Variants in TRPM8 observed in about 807,000 individuals in gnomAD.
The protein encoded by TRPM8 is transient receptor potential cation channel subfamily M member 8, also known as TRPM8 cationic channel.
Under a neutral mutation model 133.7 loss-of-function variants are expected in TRPM8, and 110 were observed. The observed-to-expected ratio is 0.82, with a 90% CI of 0.70 to 0.96. The LOEUF is 0.96. Among genes scored for constraint, TRPM8 ranks in the 40% least tolerant of loss-of-function variants. The pLI, the probability that TRPM8 is intolerant of heterozygous loss-of-function variation, is 0.00. For synonymous variants in TRPM8, 535 were observed against 532.3 expected, an observed-to-expected ratio of 1.01 and a Z score of -0.07; for missense variants, 1,291 against 1,379.5, an observed-to-expected ratio of 0.94 and a Z score of 1.02.
At chr2:233,955,073 G>T in intron 10 of TRPM8, 59 bp from the exon 11 acceptor site, 4 of 1,281,890 alleles carry the variant, frequency 3.1e-6, no homozygotes, top group South Asian at 1.2e-5. Context: ...CACACTGAAT[G>T]GTTCTCACTC....
intron 12 of TRPM8, among the ~76,000 whole-genome samples, chr2:233,962,177 G>A (rs994428480): frequency 6.6e-6 from 1 of 152,208 alleles, no homozygotes; most frequent in Non-Finnish European, 1.5e-5. Flanking sequence ...TTTTGTGGCT[G>A]TAACACCTAT....
chr2:233,997,636 C>T (rs1330896032), intron 22 of TRPM8, among the ~76,000 whole-genome samples: 1 of 152,122 alleles, frequency 6.6e-6, no homozygotes, highest in Non-Finnish European at 1.5e-5. Flanking sequence ...GACCCCAACT[C>T]CTAAGACTTG....
chr2:233,963,912 T>C (rs1435080670), intron 13 of TRPM8, among the ~76,000 whole-genome samples: 1 of 152,192 alleles, frequency 6.6e-6, no homozygotes, highest in Non-Finnish European at 1.5e-5. Flanking sequence ...CACTCAACCT[T>C]TGAGCTATTC....
chr2:233,926,559 C>T lies in TRPM8; in HGVS notation c.22C>T (p.Leu8Phe), dbSNP rs200999555. MSFRAAR[L>F]SMRNRRNDTL... ...AAAGATGTCCTTTCGGGCAGCCAGG[C>T]TCAGCATGAGGAACAGAAGGAATGA... Residue 8 changes from leucine (L) to phenylalanine (F), a missense_variant, in exon 2 of 26, where the codon CTC (leucine) becomes TTC (phenylalanine). Physicochemically the swap from Leu to Phe is conservative, Grantham distance 22. This residue lies in a region of TRPM8 where 963 missense variants were observed against 968.9 expected (regional missense o/e 0.99). Transcript: ENST00000324695. The T allele has an allele frequency of 6.2e-7, 1 of 1,614,090 alleles. No individual in the cohort carries two copies. Among genetic ancestry groups the T allele is most frequent in the Non-Finnish European group, 8.5e-7 (1 of 1,179,996 alleles).
intron 17 of TRPM8, among the ~76,000 whole-genome samples, chr2:233,979,186 T>C (rs545288913): frequency 1.3e-5 from 2 of 152,380 alleles, no homozygotes; most frequent in South Asian, 4.1e-4. Flanking sequence ...GTGACATTTC[T>C]TTGATGTTAT....
chr2:233,964,977 T>G (rs1266041435), intron 14 of TRPM8, among the ~76,000 whole-genome samples: 3 of 148,868 alleles, frequency 2.0e-5, no homozygotes, highest in Non-Finnish European at 4.5e-5. Context: ...TTGGGCTCTC[T>G]GATCCCATGG....
chr2:234,011,328 T>C (rs1374504770), intron 24 of TRPM8, among the ~76,000 whole-genome samples: 2 of 152,222 alleles, frequency 1.3e-5, no homozygotes, highest in African/African-American at 2.4e-5. Context: ...ATAGTCTGTT[T>C]TTATGTCAGT....
Position 233,926,517 on chromosome 2 carries a change from C to T in TRPM8, c.-5-16C>T. On this transcript the variant is annotated splice_polypyrimidine_tract_variant and intron_variant, in intron 1 of 25. Transcript: ENST00000324695. ...TGTTTGTAACCCAAACTTATCCCCTCCAACCATCGTCACAGAAAAGATGTC... is the reference window on the plus strand; with the variant it reads ...TGTTTGTAACCCAAACTTATCCCCTTCAACCATCGTCACAGAAAAGATGTC... The T allele has an allele frequency of 6.2e-7, 1 of 1,600,090 alleles. No homozygotes were observed. Among genetic ancestry groups the T allele is most frequent in the Non-Finnish European group, 8.6e-7 (1 of 1,167,338 alleles).
At chr2:233,956,845 G>A (rs1442854146) in intron 11 of TRPM8, among the ~76,000 whole-genome samples, 1 of 151,748 alleles carries the variant, frequency 6.6e-6, no homozygotes, top group Admixed American at 6.6e-5. Flanking sequence ...GAGGGAAAGT[G>A]GAACTATAAG....
At chr2:233,942,448 C>T (rs546837830) in intron 5 of TRPM8, 128 bp from the exon 6 acceptor site, 186 of 874,824 alleles carry the variant, frequency 2.1e-4, no homozygotes, top group Non-Finnish European at 3.3e-4. Flanking sequence ...CCTTGCCATA[C>T]GACATAGCTG....
chr2:233,928,432 C>G lies in TRPM8; in HGVS notation c.117+1778C>G, dbSNP rs537415633. On this transcript the variant is annotated intron_variant, in intron 2 of 25. Transcript: ENST00000324695. Reference sequence around the variant, plus strand: ...GTTCTGGGGGGTTCCTTTTTGCCCCCTAAGCACATGCACACCTCTGCAAAG... The same window carrying G: ...GTTCTGGGGGGTTCCTTTTTGCCCCGTAAGCACATGCACACCTCTGCAAAG... Among the ~76,000 whole-genome samples, 19 of 152,264 alleles carry G rather than the reference C, an allele frequency of 1.2e-4. 1 individual carries two copies. The South Asian group carries it at 3.7e-3, about 30-fold the overall frequency.
chr2:233,942,167 C>T (rs1165644482), intron 5 of TRPM8, among the ~76,000 whole-genome samples: 1 of 148,038 alleles, frequency 6.8e-6, no homozygotes, highest in Non-Finnish European at 1.5e-5. Flanking sequence ...GCAACCTCTG[C>T]CTCCCGGGTT....
Position 233,960,798 on chromosome 2 carries a change from T to C in TRPM8, c.1385T>C (p.Met462Thr), listed in dbSNP as rs28902173. 8.9e-4 allele frequency: 1,439 copies of C among 1,614,162 alleles called. 15 individuals are homozygous for C. In the African/African-American group the frequency reaches 0.017, roughly 19 times the overall value. ...RWESADLQEV[M>T]FTALIKDRPK... ...TAGTCTGCTGACCTTCAAGAAGTCA[T>C]GTTTACGGCTCTCATAAAGGACAGA... Residue 462 changes from methionine (M) to threonine (T), a missense_variant, in exon 12 of 26, where the codon ATG (methionine) becomes ACG (threonine). Coordinates refer to ENST00000324695, the MANE Select transcript of TRPM8 (RefSeq NM_024080.5).
chr2:234,014,804 A>C, intron 25 of TRPM8, 150 bp downstream of exon 25: 1 of 436,042 alleles, frequency 2.3e-6, no homozygotes, highest in South Asian at 3.1e-5. Flanking sequence ...AAATACAGAG[A>C]TAGAGAAAGA....
At position 233,995,126 on chromosome 2, in the gene TRPM8, C is replaced by T. The variant is rs190645735; in HGVS notation, c.2940-1200C>T. Among the ~76,000 whole-genome samples, 23 of 152,276 alleles carry T rather than the reference C, an allele frequency of 1.5e-4. No individual in the cohort carries two copies. The East Asian group carries it at 4.2e-3, about 28-fold the overall frequency. On this transcript the variant is annotated intron_variant, in intron 21 of 25. Coordinates refer to ENST00000324695, the MANE Select transcript of TRPM8 (RefSeq NM_024080.5). ...TGGGGCTGGATTGCGGGGTCCAAATCCCGAATTCAACACTTCCTAACTGGA... is the reference window on the plus strand; with the variant it reads ...TGGGGCTGGATTGCGGGGTCCAAATTCCGAATTCAACACTTCCTAACTGGA...
chr2:233,980,269 A>T lies in TRPM8; in HGVS notation c.2437A>T (p.Ile813Phe). Reference sequence around the variant, plus strand: ...GGGGCTTTTTTACTTCATAGCAGGAATTGTATTTCGGTAAGTAGTCTCATC... The same window carrying T: ...GGGGCTTTTTTACTTCATAGCAGGATTTGTATTTCGGTAAGTAGTCTCATC... ...TLGLFYFIAGIVFRLHSSNKS... is the reference protein window; with the variant it reads ...TLGLFYFIAGFVFRLHSSNKS... The change falls in exon 18 of 26, where the codon ATT (isoleucine) becomes TTT (phenylalanine). Residue 813 changes from isoleucine (I) to phenylalanine (F), a missense_variant. Around this residue, in one of 2 missense-constraint regions of TRPM8, gnomAD observed 328 missense variants for 410.6 expected, o/e 0.80. Transcript: ENST00000324695. The T allele has an allele frequency of 6.3e-7, 1 of 1,594,964 alleles. No homozygotes were observed. The highest frequency in any genetic ancestry group is 8.5e-7 in the Non-Finnish European group (1 of 1,174,174).
intron 5 of TRPM8, among the ~76,000 whole-genome samples, chr2:233,939,936 A>T (rs567450740): frequency 5.3e-5 from 8 of 152,164 alleles, no homozygotes; most frequent in African/African-American, 1.2e-4. Context: ...GTTACCATGG[A>T]CCAGTACTGC....
chr2:234,014,947 C>G (rs1258695703), intron 25 of TRPM8, among the ~76,000 whole-genome samples: 1 of 152,162 alleles, frequency 6.6e-6, no homozygotes, highest in African/African-American at 2.4e-5. Flanking sequence ...ACCTATGCAG[C>G]TATTTTGGCA....
At chr2:233,927,964 CTTTCTT>C (rs1691600083) in intron 2 of TRPM8, among the ~76,000 whole-genome samples, 2 of 82,686 alleles carry the variant, frequency 2.4e-5, no homozygotes, top group African/African-American at 7.2e-5. Context: ...CTCTCTCTTT[CTTTCTT>C]TCTTTCTTTT....
Sources: allele counts gnomAD v4.1 joint callset (sites outside exome capture counted in the v4.1 genomes callset), GRCh38; gene constraint gnomAD v4.1.1; regional missense constraint gnomAD v4.1.1; transcripts MANE v1.5; gene names NCBI Gene and HGNC (gene_info 2026-07-23, HGNC 2026-07-21).